ARHGAP12: variants seen among roughly 807,000 people sequenced by gnomAD.
The protein encoded by ARHGAP12 is rho GTPase-activating protein 12.
Under a neutral mutation model 108.6 loss-of-function variants are expected in ARHGAP12, and 64 were observed. The observed-to-expected ratio is 0.59, with a 90% CI of 0.48 to 0.73. The LOEUF (loss-of-function observed/expected upper bound fraction) is 0.73, where lower values mean the gene tolerates loss of function less well. Ranked by LOEUF, ARHGAP12 falls within the 30% of genes least tolerant of loss-of-function variation. ARHGAP12 has a pLI of 0.00. For missense variants in ARHGAP12, 940 were observed against 1,005.9 expected (o/e 0.93, Z 0.89); for synonymous variants, 312 against 337.2 (o/e 0.93, Z 0.82).
intron 9 of ARHGAP12, among the ~76,000 whole-genome samples, chr10:31,838,107 A>T (rs1267038599): frequency 2.0e-5 from 3 of 152,216 alleles, no homozygotes; most frequent in Non-Finnish European, 4.4e-5. Context: ...AATTAGAATA[A>T]AATTCTCTGA....
At chr10:31,894,859 C>T (rs1404027154) in intron 3 of ARHGAP12, among the ~76,000 whole-genome samples, 3 of 152,278 alleles carry the variant, frequency 2.0e-5, no homozygotes, top group Non-Finnish European at 2.9e-5. Flanking sequence ...TACTACAAGG[C>T]TACAGTAACC....
intron 11 of ARHGAP12, among the ~76,000 whole-genome samples, chr10:31,824,720 G>A (rs1314745694): frequency 6.6e-6 from 1 of 152,044 alleles, no homozygotes; most frequent in Non-Finnish European, 1.5e-5. Context: ...CTACCTACAG[G>A]ATGCTCTGTC....
chr10:31,901,616 T>C (rs1025998500), intron 3 of ARHGAP12, among the ~76,000 whole-genome samples: 11 of 151,220 alleles, frequency 7.3e-5, no homozygotes, highest in Non-Finnish European at 8.8e-5. Context: ...TCAAAACCTC[T>C]GAAAATGTGT....
At chr10:31,916,997 G>C (rs1839585828) in intron 1 of ARHGAP12, among the ~76,000 whole-genome samples, 1 of 152,124 alleles carries the variant, frequency 6.6e-6, no homozygotes, top group South Asian at 2.1e-4. Context: ...TGCTAATATT[G>C]TGAACTATAA....
intron 3 of ARHGAP12, among the ~76,000 whole-genome samples, chr10:31,907,507 A>G (rs1444026283): frequency 6.6e-6 from 1 of 151,756 alleles, no homozygotes; most frequent in African/African-American, 2.4e-5. Context: ...GGTGGCACAC[A>G]CCTGTAGTAC....
At chr10:31,897,196 C>A (rs1411264130) in intron 3 of ARHGAP12, among the ~76,000 whole-genome samples, 1 of 152,108 alleles carries the variant, frequency 6.6e-6, no homozygotes, top group Non-Finnish European at 1.5e-5. Flanking sequence ...CCAAGTCATT[C>A]ATCATAACAA....
At chr10:31,884,139 A>G (rs1838100795) in intron 3 of ARHGAP12, among the ~76,000 whole-genome samples, 2 of 151,914 alleles carry the variant, frequency 1.3e-5, no homozygotes. Flanking sequence ...TATGGTTAAA[A>G]GACCACTTCT....
chr10:31,859,846 G>A (rs1393622266), intron 4 of ARHGAP12, among the ~76,000 whole-genome samples: 5 of 150,024 alleles, frequency 3.3e-5, no homozygotes, highest in Non-Finnish European at 7.4e-5. Context: ...CCAGACTGGA[G>A]TGCAGTGGTG....
At chr10:31,903,465 A>T (rs1445610622) in intron 3 of ARHGAP12, among the ~76,000 whole-genome samples, 10 of 152,198 alleles carry the variant, frequency 6.6e-5, no homozygotes, top group Non-Finnish European at 1.5e-4. Flanking sequence ...GAAAAGCCTA[A>T]TATAGCTAGA....
chr10:31,920,804 T>C (rs920975337), intron 1 of ARHGAP12, among the ~76,000 whole-genome samples: 2 of 152,224 alleles, frequency 1.3e-5, no homozygotes, highest in African/African-American at 4.8e-5. Context: ...CCTAAGTTCC[T>C]GTATACCACA....
At chr10:31,887,886 T>A in intron 3 of ARHGAP12, among the ~76,000 whole-genome samples, 1 of 152,002 alleles carries the variant, frequency 6.6e-6, no homozygotes, top group East Asian at 1.9e-4. Context: ...CTCAATCTTC[T>A]GACCTCATGA....
In ARHGAP12 at chr10:31,820,378, A is replaced by C. The variant is rs771429884; in HGVS notation, c.1632+9T>G. On this transcript the variant is annotated intron_variant, in intron 12 of 19. Transcript: ENST00000344936. The stretch of plus-strand genomic sequence containing the variant: ...TAGAATGTGTTATACTTAGAAAAAA[A>C]TGTATTACCTCAAATACATTCTTTT... 1 of 1,592,412 alleles carries C rather than the reference A, an allele frequency of 6.3e-7. No homozygotes were observed. Among genetic ancestry groups the C allele is most frequent in the Non-Finnish European group, 8.5e-7 (1 of 1,170,012 alleles).
chr10:31,863,632 C>T (rs917949264), intron 3 of ARHGAP12, among the ~76,000 whole-genome samples: 1 of 152,168 alleles, frequency 6.6e-6, no homozygotes. Context: ...AACACTGTAA[C>T]ATATCTCACT....
chr10:31,853,765 T>A lies in ARHGAP12; in HGVS notation c.1089+301A>T, dbSNP rs918095947. On this transcript the variant is annotated intron_variant, in intron 5 of 19. Coordinates refer to ENST00000344936, the MANE Select transcript of ARHGAP12 (RefSeq NM_018287.7). ...GAGAAAACCATTTCCAAAAAACTAT[T>A]CCCTCAGAAAAATATAAAGAAATAT... is the stretch of plus-strand genomic sequence containing the variant. Among the ~76,000 whole-genome samples, 9 of 152,204 alleles carry A rather than the reference T, an allele frequency of 5.9e-5. No individual in the cohort carries two copies. The East Asian group carries it at 1.4e-3, about 23-fold the overall frequency.
At chr10:31,875,189 G>A (rs181699810) in intron 3 of ARHGAP12, among the ~76,000 whole-genome samples, 78 of 151,932 alleles carry the variant, frequency 5.1e-4, no homozygotes, top group South Asian at 2.9e-3. Flanking sequence ...AAATGCTTAC[G>A]GGAGAAAAAG....
chr10:31,921,139 A>G (rs1839788391), intron 1 of ARHGAP12, among the ~76,000 whole-genome samples: 1 of 152,070 alleles, frequency 6.6e-6, no homozygotes, highest in Non-Finnish European at 1.5e-5. Flanking sequence ...TAAAAAAACT[A>G]GCCGGGCATG....
intron 13 of ARHGAP12, among the ~76,000 whole-genome samples, chr10:31,815,030 G>A (rs188502574): frequency 6.9e-4 from 104 of 151,110 alleles, no homozygotes; most frequent in African/African-American, 2.5e-3. Flanking sequence ...TGAGGCAGGA[G>A]AATCGGCGTG....
intron 3 of ARHGAP12, among the ~76,000 whole-genome samples, chr10:31,870,867 A>G (rs930420525): frequency 6.6e-6 from 1 of 152,216 alleles, no homozygotes; most frequent in Non-Finnish European, 1.5e-5. Flanking sequence ...TTCAAGCTCT[A>G]TAGAGTACAC....
chr10:31,897,106 G>A (rs1392558097), intron 3 of ARHGAP12, among the ~76,000 whole-genome samples: 5 of 152,134 alleles, frequency 3.3e-5, no homozygotes, highest in African/African-American at 1.2e-4. Context: ...AACAACATCA[G>A]CTTCCTACAG....
Sources: gnomAD v4.1 joint callset for allele counts (sites outside exome capture counted in the v4.1 genomes callset) on GRCh38, gnomAD v4.1.1 for gene constraint, MANE v1.5 for transcripts, NCBI Gene and HGNC (gene_info 2026-07-23, HGNC 2026-07-21) for gene names.